Variants in TMEM102 observed in about 807,000 individuals in gnomAD.
TMEM102 encodes the protein DANGER family member 2B.
A neutral mutation model predicts 26.8 loss-of-function variants in TMEM102; 28 were observed. The ratio of observed to expected loss-of-function variants is 1.05; its 90% CI spans 0.77 to 1.43. TMEM102 has a LOEUF of 1.43. Ranked by LOEUF, TMEM102 falls within the 40% of genes most tolerant of loss-of-function variation. TMEM102 has a pLI of 0.00. For synonymous variants in TMEM102, 306 were observed against 332.1 expected, an observed-to-expected ratio of 0.92 and a Z score of 0.86; for missense variants, 677 against 705.6, an observed-to-expected ratio of 0.96 and a Z score of 0.46.
rs1375533361 is a variant in TMEM102 at position 7,436,273 on chromosome 17, C to G, written c.294C>G (p.Ser98=). 1 of 1,613,686 alleles carries G rather than the reference C, an allele frequency of 6.2e-7. No individual in the cohort carries two copies. The highest frequency in any genetic ancestry group is 2.2e-5 in the East Asian group (1 of 44,886). Residue 98 remains serine, a synonymous_variant, in exon 3 of 3, where the codon TCC becomes TCG. Coordinates refer to ENST00000323206, the MANE Select transcript of TMEM102 (RefSeq NM_178518.3). The part of the protein sequence containing the change: ...LLLRGGIREG[S]LDLGHAPLGP... The stretch of plus-strand genomic sequence containing the variant: ...TTCGTGGTGGGATTCGCGAGGGCTC[C>G]CTGGATCTGGGGCATGCACCCCTGG...
Position 7,436,090 on chromosome 17 carries a change from G to A in TMEM102, c.214+5G>A, listed in dbSNP as rs776739711. The A allele has an allele frequency of 6.2e-7, 1 of 1,613,070 alleles. No individual in the cohort carries two copies. Among genetic ancestry groups the A allele is most frequent in the Non-Finnish European group, 8.5e-7 (1 of 1,179,518 alleles). ...ACTTTGTCTTCTCTTTGCTTGGTAAGTAACCCTACTTGCCTTTGGGAACTC... is the reference window on the plus strand; with the variant it reads ...ACTTTGTCTTCTCTTTGCTTGGTAAATAACCCTACTTGCCTTTGGGAACTC... On this transcript the variant is annotated splice_donor_5th_base_variant and intron_variant, in intron 2 of 2. Coordinates refer to ENST00000323206, the MANE Select transcript of TMEM102 (RefSeq NM_178518.3).
Position 7,436,136 on chromosome 17 carries a change from G to A in TMEM102, c.214+51G>A, listed in dbSNP as rs573370872. The A allele has an allele frequency of 1.0e-4, 163 of 1,599,620 alleles. 1 individual carries two copies. The East Asian group carries it at 3.4e-3, about 33-fold the overall frequency. The stretch of plus-strand genomic sequence containing the variant: ...AACTCACAGCTCTCAGCCTCACCAC[G>A]CCCCCGCCCCCGCCCCGGCTTTGGG... On this transcript the variant is annotated intron_variant, in intron 2 of 2. Transcript: ENST00000323206.
At position 7,437,521 on chromosome 17, in the gene TMEM102, C is replaced by G; in HGVS notation, c.*15C>G. On this transcript the variant is annotated 3_prime_UTR_variant, in exon 3 of 3. Transcript: ENST00000323206. The surrounding 1 kb of genome is among the most constrained non-coding windows in gnomAD (Gnocchi z 4.2). ...GGGCCCATTAAAGACGCTGTTCCTACCAGTGGAAAGTGCCTCTGTGGGCGA... is the reference window on the plus strand; with the variant it reads ...GGGCCCATTAAAGACGCTGTTCCTAGCAGTGGAAAGTGCCTCTGTGGGCGA... 5 of 1,347,898 alleles carry G rather than the reference C, an allele frequency of 3.7e-6. No homozygotes were observed. The highest frequency in any genetic ancestry group is 4.8e-6 in the Non-Finnish European group (5 of 1,049,844). 83.5% of individuals were successfully genotyped at this position (1,347,898 alleles called of 1,614,324 possible). A position where few individuals can be genotyped will look rare whatever the true frequency, so the allele number is the denominator to read the frequency against.
Position 7,437,280 on chromosome 17 carries a change from G to T in TMEM102, c.1301G>T (p.Cys434Phe). The change falls in exon 3 of 3, where the codon TGC (cysteine) becomes TTC (phenylalanine). Residue 434 changes from cysteine (C) to phenylalanine (F), a missense_variant. By Grantham distance (205) the Cys-to-Phe change is radical (BLOSUM62 -2). Coordinates refer to ENST00000323206, the MANE Select transcript of TMEM102 (RefSeq NM_178518.3). This position sits in a 1 kb window ranked among gnomAD's most constrained non-coding sequence, Gnocchi z 4.2. ...CGGCCAGAAAATGCGGGCGCCTGCTGCCTCGGGCTGCTAGACGAGCTCGGC... is the reference window on the plus strand; with the variant it reads ...CGGCCAGAAAATGCGGGCGCCTGCTTCCTCGGGCTGCTAGACGAGCTCGGC... ...LARPENAGAC[C>F]LGLLDELGRV... 1 of 1,542,226 alleles carries T rather than the reference G, an allele frequency of 6.5e-7. No individual in the cohort carries two copies. Among genetic ancestry groups the T allele is most frequent in the Non-Finnish European group, 8.7e-7 (1 of 1,150,120 alleles).
chr17:7,437,368 G>A lies in TMEM102; in HGVS notation c.1389G>A (p.Gly463=). ...YFLNGRQLRT[G]DDSAALLGEL... is the part of the protein sequence containing the mutation. ...TGAACGGCCGACAGCTCCGTACGGG[G>A]GACGACTCCGCTGCGCTGCTCGGAG... Residue 463 remains glycine, a synonymous_variant, in exon 3 of 3, where the codon GGG becomes GGA. Transcript: ENST00000323206. The surrounding 1 kb of genome is among the most constrained non-coding windows in gnomAD (Gnocchi z 4.2). 1 of 1,566,882 alleles carries A rather than the reference G, an allele frequency of 6.4e-7. No individual in the cohort carries two copies. Among genetic ancestry groups the A allele is most frequent in the South Asian group, 1.2e-5 (1 of 85,310 alleles).
rs1397432443 is a variant in TMEM102 at position 7,436,781 on chromosome 17, G to T, written c.802G>T (p.Ala268Ser). 1 of 1,613,790 alleles carries T rather than the reference G, an allele frequency of 6.2e-7. No individual in the cohort carries two copies. The highest frequency in any genetic ancestry group is 8.5e-7 in the Non-Finnish European group (1 of 1,180,042). ...CACATTATGTTCCGCCCAGGTGGCTGCCTGGTTCTTTGCTACGCTGGCGGC... is the reference window on the plus strand; with the variant it reads ...CACATTATGTTCCGCCCAGGTGGCTTCCTGGTTCTTTGCTACGCTGGCGGC... ...WPTLCSAQVAAWFFATLAAVA... is the reference protein window; with the variant it reads ...WPTLCSAQVASWFFATLAAVA... Residue 268 changes from alanine to serine, a missense_variant, in exon 3 of 3, where the codon GCC becomes TCC. Ala to Ser is a moderately conservative substitution (Grantham distance 99). Coordinates refer to ENST00000323206, the MANE Select transcript of TMEM102 (RefSeq NM_178518.3).
At position 7,437,098 on chromosome 17, in the gene TMEM102, G is replaced by A. The variant is rs1230175894; in HGVS notation, c.1119G>A (p.Ala373=). The change falls in exon 3 of 3, where the codon GCG becomes GCA. Residue 373 remains alanine (A), a synonymous_variant. Coordinates refer to ENST00000323206, the MANE Select transcript of TMEM102 (RefSeq NM_178518.3). The surrounding 1 kb of genome is among the most constrained non-coding windows in gnomAD (Gnocchi z 4.2). ...WQLCFARQEL[A]LKARIPAPLL... is the part of the protein sequence containing the mutation. ...TCTGTTTTGCCCGCCAGGAGCTGGC[G>A]CTCAAAGCGCGCATACCAGCGCCGC... The A allele has an allele frequency of 6.7e-7, 1 of 1,503,632 alleles. No individual in the cohort carries two copies. Among genetic ancestry groups the A allele is most frequent in the Non-Finnish European group, 8.8e-7 (1 of 1,135,658 alleles). The allele number at this position is 1,503,632 out of a possible 1,614,324, so 93.1% of individuals were successfully genotyped here.
In TMEM102 at chr17:7,435,511, G is replaced by C. The variant is rs1597738043; in HGVS notation, c.-205G>C. The C allele has an allele frequency of 4.7e-6, 1 of 214,810 alleles. No homozygotes were observed. The highest frequency in any genetic ancestry group is 1.4e-4 in the South Asian group (1 of 6,944). 13.3% of individuals were successfully genotyped at this position (214,810 alleles called of 1,614,324 possible). A position where few individuals can be genotyped will look rare whatever the true frequency, so the allele number is the denominator to read the frequency against. On this transcript the variant is annotated 5_prime_UTR_variant, in exon 1 of 3. Coordinates refer to ENST00000323206, the MANE Select transcript of TMEM102 (RefSeq NM_178518.3). ...CCCACCCTTACTGCTTCCCATAAGG[G>C]GGAAGCCGCAGACTAATAAGCCTCT...
At position 7,436,950 on chromosome 17, in the gene TMEM102, T is replaced by C. The variant is rs1237541424; in HGVS notation, c.971T>C (p.Val324Ala). 1.4e-5 allele frequency: 23 copies of C among 1,603,474 alleles called. No individual in the cohort carries two copies. Among genetic ancestry groups the C allele is most frequent in the Non-Finnish European group, 2.0e-5 (23 of 1,179,124 alleles). The change falls in exon 3 of 3, where the codon GTG (valine) becomes GCG (alanine). Residue 324 changes from valine (V) to alanine (A), a missense_variant. Coordinates refer to ENST00000323206, the MANE Select transcript of TMEM102 (RefSeq NM_178518.3). Reference sequence around the variant, plus strand: ...TTCGACCTGATCCCAGTGGTGTCCGTGGCGGGCTGGCCCGAGGGGGCTCGG... The same window carrying C: ...TTCGACCTGATCCCAGTGGTGTCCGCGGCGGGCTGGCCCGAGGGGGCTCGG... Reference protein sequence around the residue: ...LLFDLIPVVSVAGWPEGARSH... With the variant: ...LLFDLIPVVSAAGWPEGARSH...
rs1196179341 is a variant in TMEM102, at chr17:7,437,185, G to C, written c.1206G>C (p.Ala402=). 2.7e-6 allele frequency: 4 copies of C among 1,493,782 alleles called. No individual in the cohort carries two copies. The East Asian group carries it at 8.3e-5, about 31-fold the overall frequency. The allele number at this position is 1,493,782 out of a possible 1,614,324, so 92.5% of individuals were successfully genotyped here. A position where few individuals can be genotyped will look rare whatever the true frequency, so the allele number is the denominator to read the frequency against. ...LLRPLVAGTR[A]AAPYLLRTLL... is the part of the protein sequence containing the mutation. ...GCCCGCTGGTGGCCGGGACCCGGGCGGCGGCGCCCTACCTCCTGCGGACGC... is the reference window on the plus strand; with the variant it reads ...GCCCGCTGGTGGCCGGGACCCGGGCCGCGGCGCCCTACCTCCTGCGGACGC... The change falls in exon 3 of 3, where the codon GCG becomes GCC. Residue 402 remains alanine (A), a synonymous_variant. Coordinates refer to ENST00000323206, the MANE Select transcript of TMEM102 (RefSeq NM_178518.3). This position sits in a 1 kb window ranked among gnomAD's most constrained non-coding sequence, Gnocchi z 4.2.
chr17:7,436,281 TG>T lies in TMEM102; in HGVS notation c.306del (p.His103MetfsTer20). 6.2e-7 allele frequency: 1 copy of T among 1,613,758 alleles called. No individual in the cohort carries two copies. The highest frequency in any genetic ancestry group is 8.5e-7 in the Non-Finnish European group (1 of 1,180,022). ...GGGATTCGCGAGGGCTCCCTGGATCTGGGGCATGCACCCCTGGGTCCCTACG... is the reference window on the plus strand; with the variant it reads ...GGGATTCGCGAGGGCTCCCTGGATCTGGGCATGCACCCCTGGGTCCCTACG... ...RGGIREGSLD[L>X]GHAPLGPYAR... is the part of the protein sequence containing the mutation. On this transcript the variant is annotated frameshift_variant, in exon 3 of 3. Transcript: ENST00000323206. LOFTEE classifies it low-confidence loss of function (END_TRUNC).
rs1908012809 is a variant in TMEM102 at position 7,436,242 on chromosome 17, T to G, written c.263T>G (p.Leu88Trp). The G allele has an allele frequency of 6.2e-7, 1 of 1,613,592 alleles. No homozygotes were observed. Among genetic ancestry groups the G allele is most frequent in the Non-Finnish European group, 8.5e-7 (1 of 1,180,004 alleles). ...DPRFPPQAEL[L>W]LLRGGIREGS... The stretch of plus-strand genomic sequence containing the variant: ...CGCTTTCCTCCCCAGGCAGAGCTCT[T>G]GCTGCTTCGTGGTGGGATTCGCGAG... The change falls in exon 3 of 3, where the codon TTG (leucine) becomes TGG (tryptophan). Residue 88 changes from leucine (L) to tryptophan (W), a missense_variant. By Grantham distance (61) the Leu-to-Trp change is moderately conservative (BLOSUM62 -2). Coordinates refer to ENST00000323206, the MANE Select transcript of TMEM102 (RefSeq NM_178518.3).
chr17:7,436,438 C>G lies in TMEM102; in HGVS notation c.459C>G (p.Thr153=), dbSNP rs762013894. 6.2e-7 allele frequency: 1 copy of G among 1,613,926 alleles called. No individual in the cohort carries two copies. Among genetic ancestry groups the G allele is most frequent in the Non-Finnish European group, 8.5e-7 (1 of 1,180,038 alleles). The part of the protein sequence containing the change: ...QVCLPEMVCG[T]PIREMWQDCL... ...GCCTCCCAGAGATGGTGTGCGGAAC[C>G]CCCATCCGGGAGATGTGGCAGGATT... The change falls in exon 3 of 3, where the codon ACC becomes ACG. Residue 153 remains threonine (T), a synonymous_variant. Transcript: ENST00000323206.
chr17:7,437,204 C>G lies in TMEM102; in HGVS notation c.1225C>G (p.Arg409Gly). The stretch of plus-strand genomic sequence containing the variant: ...CCGGGCGGCGGCGCCCTACCTCCTG[C>G]GGACGCTGCTGTACTGGGCGTGCGA... ...GTRAAAPYLL[R>G]TLLYWACERL... The change falls in exon 3 of 3, where the codon CGG becomes GGG. Residue 409 changes from arginine (R) to glycine (G), a missense_variant. By Grantham distance (125) the Arg-to-Gly change is moderately radical (BLOSUM62 -2). Transcript: ENST00000323206. The surrounding 1 kb of genome is among the most constrained non-coding windows in gnomAD (Gnocchi z 4.2). 1 of 1,505,844 alleles carries G rather than the reference C, an allele frequency of 6.6e-7. No homozygotes were observed. Among genetic ancestry groups the G allele is most frequent in the Non-Finnish European group, 8.8e-7 (1 of 1,132,740 alleles). The allele number at this position is 1,505,844 out of a possible 1,614,324, so 93.3% of individuals were successfully genotyped here. A position where few individuals can be genotyped will look rare whatever the true frequency, so the allele number is the denominator to read the frequency against.
In TMEM102 at chr17:7,437,344, G is replaced by A. The variant is rs367677400; in HGVS notation, c.1365G>A (p.Leu455=). The A allele has an allele frequency of 1.3e-6, 2 of 1,573,480 alleles. No individual in the cohort carries two copies. Among genetic ancestry groups the A allele is most frequent in the Non-Finnish European group, 1.7e-6 (2 of 1,161,670 alleles). ...LEAGTLPHYF[L]NGRQLRTGDD... ...CCGGGACGTTGCCTCACTATTTTCT[G>A]AACGGCCGACAGCTCCGTACGGGGG... Residue 455 remains leucine (L), a synonymous_variant, in exon 3 of 3, where the codon CTG becomes CTA. Transcript: ENST00000323206. The surrounding 1 kb of genome is among the most constrained non-coding windows in gnomAD (Gnocchi z 4.2).
chr17:7,437,357 C>T lies in TMEM102; in HGVS notation c.1378C>T (p.Leu460Phe). 1 of 1,569,888 alleles carries T rather than the reference C, an allele frequency of 6.4e-7. No homozygotes were observed. The highest frequency in any genetic ancestry group is 1.2e-5 in the South Asian group (1 of 85,754). Residue 460 changes from leucine to phenylalanine, a missense_variant, in exon 3 of 3, where the codon CTC becomes TTC. Leu to Phe is a conservative substitution (Grantham distance 22). Transcript: ENST00000323206. The surrounding 1 kb of genome is among the most constrained non-coding windows in gnomAD (Gnocchi z 4.2). Reference protein sequence around the residue: ...LPHYFLNGRQLRTGDDSAALL... With the variant: ...LPHYFLNGRQFRTGDDSAALL... ...TCACTATTTTCTGAACGGCCGACAG[C>T]TCCGTACGGGGGACGACTCCGCTGC...
At position 7,436,491 on chromosome 17, in the gene TMEM102, G is replaced by C. The variant is rs1264888890; in HGVS notation, c.512G>C (p.Arg171Pro). Residue 171 changes from arginine (R) to proline (P), a missense_variant, in exon 3 of 3, where the codon CGT becomes CCT. Transcript: ENST00000323206. Reference sequence around the variant, plus strand: ...TTAGGACCCCCAGTCCCAGGAGCACGTGATTCGATCCACCGAACGGAGAGC... The same window carrying C: ...TTAGGACCCCCAGTCCCAGGAGCACCTGATTCGATCCACCGAACGGAGAGC... Reference protein sequence around the residue: ...DCLGPPVPGARDSIHRTESEE... With the variant: ...DCLGPPVPGAPDSIHRTESEE... The C allele has an allele frequency of 1.2e-6, 2 of 1,613,740 alleles. No individual in the cohort carries two copies. The highest frequency in any genetic ancestry group is 2.7e-5 in the African/African-American group (2 of 74,940).
Position 7,435,638 on chromosome 17 carries a change from G to A in TMEM102, c.-78G>A, listed in dbSNP as rs1321193108. On this transcript the variant is annotated 5_prime_UTR_variant, in exon 1 of 3. Transcript: ENST00000323206. The stretch of plus-strand genomic sequence containing the variant: ...CAGTTACTTTTTACCTGCTGAGTCC[G>A]GTGAACCAGTTCATGGGGGCGGGGA... 2 of 466,176 alleles carry A rather than the reference G, an allele frequency of 4.3e-6. No homozygotes were observed. The highest frequency in any genetic ancestry group is 4.4e-5 in the South Asian group (1 of 22,502). The allele number at this position is 466,176 out of a possible 1,614,324, so 28.9% of individuals were successfully genotyped here.
chr17:7,437,241 C>A lies in TMEM102; in HGVS notation c.1262C>A (p.Ala421Glu), dbSNP rs1166177447. 3 of 1,521,520 alleles carry A rather than the reference C, an allele frequency of 2.0e-6. No individual in the cohort carries two copies. The highest frequency in any genetic ancestry group is 1.4e-5 in the African/African-American group (1 of 69,292). The allele number at this position is 1,521,520 out of a possible 1,614,324, so 94.3% of individuals were successfully genotyped here. Residue 421 changes from alanine to glutamate, a missense_variant, in exon 3 of 3, where the codon GCG (alanine) becomes GAG (glutamate). Transcript: ENST00000323206. This position sits in a 1 kb window ranked among gnomAD's most constrained non-coding sequence, Gnocchi z 4.2. ...LLYWACERLP[A>E]LYLARPENAG... ...TACTGGGCGTGCGAGCGGCTGCCTG[C>A]GCTCTACCTGGCGCGGCCAGAAAAT...
Sources: gnomAD v4.1 joint callset for allele counts on GRCh38, gnomAD v4.1.1 for gene constraint, Gnocchi (gnomAD v3.1) non-coding constraint, MANE v1.5 for transcripts, NCBI Gene and HGNC (gene_info 2026-07-23, HGNC 2026-07-21) for gene names.